The following CCDC3 variants were observed in gnomAD, a reference collection of about 807,000 sequenced individuals.
CCDC3 encodes coiled-coil domain-containing protein 3.
CCDC3 carries 24 observed loss-of-function variants against 21.4 expected under a neutral mutation model. The observed-to-expected ratio is 1.12, with a 90% CI of 0.81 to 1.58. The LOEUF (loss-of-function observed/expected upper bound fraction) is 1.58, where lower values mean the gene tolerates loss of function less well. Ranked by LOEUF, CCDC3 falls within the 40% of genes most tolerant of loss-of-function variation. The pLI, the probability that CCDC3 is intolerant of heterozygous loss-of-function variation, is 0.00. For missense variants in CCDC3, 425 were observed against 360.9 expected, an observed-to-expected ratio of 1.18 and a Z score of -1.44; for synonymous variants, 186 against 166.0, an observed-to-expected ratio of 1.12 and a Z score of -0.93.
intron 5 of CCDC3, among the ~76,000 whole-genome samples, chr10:13,012,512 G>A (rs1023621579): frequency 1.3e-5 from 2 of 152,052 alleles, no homozygotes; most frequent in African/African-American, 4.8e-5. Context: ...AGTCTGAATG[G>A]CTATTATTTA....
At chr10:13,098,710 A>ATTTTTTTGTTTTTTTTTT (rs1832667053) in intron 2 of CCDC3, 1 of 64,854 alleles carries the variant, frequency 1.5e-5, no homozygotes, top group Non-Finnish European at 2.7e-5. Flanking sequence ...TCCTGCACTG[A>ATTTTTTTGTTTTTTTTTT]TTTTTTTTTT....
chr10:13,019,727 G>C (rs1190633708), intron 5 of CCDC3, among the ~76,000 whole-genome samples: 2 of 152,148 alleles, frequency 1.3e-5, no homozygotes, highest in African/African-American at 4.8e-5. Flanking sequence ...TAGGCAGGGT[G>C]GTGCACGCCT....
intron 2 of CCDC3, among the ~76,000 whole-genome samples, chr10:12,920,958 G>A (rs1316634595): frequency 6.6e-6 from 1 of 152,216 alleles, no homozygotes; most frequent in Non-Finnish European, 1.5e-5. Context: ...ACAGAGGAGG[G>A]CAGGCTTCAG....
intron 2 of CCDC3, among the ~76,000 whole-genome samples, chr10:12,975,542 GC>G (rs1161455689): frequency 6.6e-6 from 1 of 152,184 alleles, no homozygotes; most frequent in Non-Finnish European, 1.5e-5. Flanking sequence ...AACCACCCCT[GC>G]TCCGGTTCCA....
chr10:13,050,200 G>A (rs959839114), intron 4 of CCDC3, among the ~76,000 whole-genome samples: 1 of 152,156 alleles, frequency 6.6e-6, no homozygotes, highest in African/African-American at 2.4e-5. Flanking sequence ...TGGAATTGGG[G>A]GCAGGGCTGG....
At chr10:12,929,278 AAAAAGAAC>A (rs1247154415) in intron 2 of CCDC3, among the ~76,000 whole-genome samples, 1 of 151,608 alleles carries the variant, frequency 6.6e-6, no homozygotes, top group Non-Finnish European at 1.5e-5. Context: ...AAAAAAAAAA[AAAAAGAAC>A]AGAATAGACC....
chr10:12,963,507 C>A (rs1428416559), intron 2 of CCDC3, among the ~76,000 whole-genome samples: 1 of 151,764 alleles, frequency 6.6e-6, no homozygotes, highest in Admixed American at 6.6e-5. Context: ...TCATAATGAT[C>A]CTATAGGGGT....
At chr10:12,931,237 AAAGCTCTGAC>A (rs1834636728) in intron 2 of CCDC3, among the ~76,000 whole-genome samples, 2 of 143,904 alleles carry the variant, frequency 1.4e-5, no homozygotes, top group African/African-American at 5.2e-5. Context: ...AAAAAAAATT[AAAGCTCTGAC>A]AAGTCTGCCG....
At chr10:12,963,105 G>T (rs188875794) in intron 2 of CCDC3, among the ~76,000 whole-genome samples, 2 of 152,300 alleles carry the variant, frequency 1.3e-5, no homozygotes, top group South Asian at 2.1e-4. Context: ...TTCAACTAGT[G>T]AAAGAAAATA....
At chr10:12,917,194 T>C (rs1315334968) in intron 2 of CCDC3, among the ~76,000 whole-genome samples, 22 of 125,852 alleles carry the variant, frequency 1.7e-4, no homozygotes, top group African/African-American at 6.7e-4. Flanking sequence ...TTTTTTTTTT[T>C]TTTTTTTTTT....
Position 12,897,954 on chromosome 10 carries a change from A to G in CCDC3, c.*462T>C, listed in dbSNP as rs1349488218. On this transcript the variant is annotated 3_prime_UTR_variant, in exon 3 of 3. Coordinates refer to ENST00000378825, the MANE Select transcript of CCDC3 (RefSeq NM_031455.4). ...ACCATCCCCTTCCAAAGATGTGGCC[A>G]GTGAGGTGCCAGCAGGTTCCAGCAC... The G allele has an allele frequency of 1.3e-5, 2 of 155,056 alleles. No homozygotes were observed. Among genetic ancestry groups the G allele is most frequent in the Non-Finnish European group, 2.9e-5 (2 of 69,872 alleles). The allele number at this position is 155,056 out of a possible 1,614,324, so 9.6% of individuals were successfully genotyped here. A position where few individuals can be genotyped will look rare whatever the true frequency, so the allele number is the denominator to read the frequency against.
intron 2 of CCDC3, among the ~76,000 whole-genome samples, chr10:12,918,041 G>A (rs1054741518): frequency 3.9e-5 from 6 of 152,192 alleles, no homozygotes; most frequent in African/African-American, 1.4e-4. Context: ...TATATGGTAT[G>A]AAGGGAGTAT....
At chr10:12,998,809 G>A (rs1835803802) in intron 1 of CCDC3, among the ~76,000 whole-genome samples, 1 of 152,138 alleles carries the variant, frequency 6.6e-6, no homozygotes, top group African/African-American at 2.4e-5. Context: ...TTCTCAAAGA[G>A]TGTTCCTTAT....
At chr10:12,990,088 T>C (rs1835658544) in intron 2 of CCDC3, among the ~76,000 whole-genome samples, 2 of 151,812 alleles carry the variant, frequency 1.3e-5, no homozygotes, top group Non-Finnish European at 2.9e-5. Flanking sequence ...GCATCTCTAC[T>C]AAAAATACAA....
At chr10:13,060,494 A>C (rs566416220) in intron 4 of CCDC3, among the ~76,000 whole-genome samples, 1 of 152,164 alleles carries the variant, frequency 6.6e-6, no homozygotes, top group Non-Finnish European at 1.5e-5. Context: ...AAAGGAAAAC[A>C]GAATGCCAAA....
intron 2 of CCDC3, among the ~76,000 whole-genome samples, chr10:12,980,765 T>C (rs1434166432): frequency 1.3e-5 from 2 of 151,986 alleles, no homozygotes; most frequent in East Asian, 1.9e-4. Flanking sequence ...GGAAAGATGG[T>C]CTACATATTC....
At chr10:13,093,857 T>C (rs1437700747) in intron 3 of CCDC3, among the ~76,000 whole-genome samples, 4 of 152,194 alleles carry the variant, frequency 2.6e-5, no homozygotes, top group African/African-American at 9.7e-5. Context: ...TAAAACTATG[T>C]CTAAAATTAG....
At chr10:12,982,332 G>A (rs1475927836) in intron 2 of CCDC3, among the ~76,000 whole-genome samples, 2 of 151,792 alleles carry the variant, frequency 1.3e-5, no homozygotes. Context: ...TACTTGCCAG[G>A]GGCTGGAGAG....
rs181473715 is a variant in CCDC3, at chr10:12,981,241, G to A, written c.549+17097C>T. ...GTTGGCCAGACAGGAGTGTGGTGGC[G>A]TGATCTTGGTTCATGGCAACTGCCG... On this transcript the variant is annotated intron_variant, in intron 2 of 2. Transcript: ENST00000378825. 8.1e-4 allele frequency among the ~76,000 whole-genome samples: 121 copies of A among 149,226 alleles called. 1 individual carries two copies. Among genetic ancestry groups the A allele is most frequent in the African/African-American group, 2.7e-3 (110 of 40,306 alleles).
Sources: gnomAD v4.1 joint callset for allele counts (sites outside exome capture counted in the v4.1 genomes callset) on GRCh38, gnomAD v4.1.1 for gene constraint, MANE v1.5 for transcripts, NCBI Gene and HGNC (gene_info 2026-07-23, HGNC 2026-07-21) for gene names.